The following TRIO variants were observed in gnomAD, a reference collection of about 807,000 sequenced individuals.
TRIO encodes trio Rho guanine nucleotide exchange factor, also known as triple functional domain protein.
TRIO carries 58 observed loss-of-function variants against 351.9 expected under a neutral mutation model. The observed-to-expected ratio is 0.16, with a 90% CI of 0.13 to 0.21. TRIO has a LOEUF of 0.21. Ranked by LOEUF, TRIO falls within the 10% of genes least tolerant of loss-of-function variation. The pLI is 1.00. For missense variants in TRIO, 3,201 were observed against 4,027.8 expected, an observed-to-expected ratio of 0.79 and a Z score of 5.56; for synonymous variants, 1,758 against 1,595.7, an observed-to-expected ratio of 1.10 and a Z score of -2.42.
At position 14,482,439 on chromosome 5, in the gene TRIO, G is replaced by GA. The variant is rs375308522; in HGVS notation, c.6466-133dup. The stretch of plus-strand genomic sequence containing the variant: ...CTGTTTAGAGCCAAGAACAGTAAAA[G>GA]AAAAAAAAAATTAAACTCCATAAAT... On this transcript the variant is annotated intron_variant, in intron 45 of 56. Coordinates refer to ENST00000344204, the MANE Select transcript of TRIO (RefSeq NM_007118.4). 0.025 allele frequency: 15,093 copies of GA among 615,856 alleles called. 85 individuals carry two copies. The highest frequency in any genetic ancestry group is 0.028 in the Non-Finnish European group (11,902 of 418,310). The allele number at this position is 615,856 out of a possible 1,614,324, so 38.1% of individuals were successfully genotyped here. A position where few individuals can be genotyped will look rare whatever the true frequency, so the allele number is the denominator to read the frequency against.
chr5:14,481,124 A>G, intron 43 of TRIO, 110 bp from the exon 44 acceptor site: 1 of 1,211,134 alleles, frequency 8.3e-7, no homozygotes, highest in South Asian at 1.5e-5. Context: ...CCAGGAGTTC[A>G]AGACCAGCTT....
Position 14,487,596 on chromosome 5 carries a change from GC to G in TRIO, c.6972del (p.Ser2325AlafsTer88). ...AGTGGCGGCAGCGGCCACAGTGGCGGCCCCAGCAGCTGCGGCGGCGCCCCCA... is the reference window on the plus strand; with the variant it reads ...AGTGGCGGCAGCGGCCACAGTGGCGGCCCAGCAGCTGCGGCGGCGCCCCCA... Reference protein sequence around the residue: ...APSGGSGHSGGPSSCGGAPST... With the variant: ...APSGGSGHSGXPSSCGGAPST... On this transcript the variant is annotated frameshift_variant, in exon 48 of 57. Transcript: ENST00000344204. LOFTEE classifies it high-confidence loss of function. The G allele has an allele frequency of 8.6e-7, 1 of 1,160,592 alleles. No homozygotes were observed. Among genetic ancestry groups the G allele is most frequent in the Non-Finnish European group, 1.1e-6 (1 of 934,278 alleles). The allele number at this position is 1,160,592 out of a possible 1,614,324, so 71.9% of individuals were successfully genotyped here. A position where few individuals can be genotyped will look rare whatever the true frequency, so the allele number is the denominator to read the frequency against.
intron 8 of TRIO, among the ~76,000 whole-genome samples, chr5:14,310,623 C>T (rs1686262006): frequency 6.6e-6 from 1 of 152,198 alleles, no homozygotes; most frequent in Non-Finnish European, 1.5e-5. Flanking sequence ...GGATAGGAAA[C>T]TTCTTAAAAC....
intron 9 of TRIO, 92 bp downstream of exon 9, chr5:14,316,835 G>A: frequency 7.3e-7 from 1 of 1,371,320 alleles, no homozygotes; most frequent in Non-Finnish European, 1.0e-6. Flanking sequence ...CTGTGCTTAA[G>A]GAGTGATGAC....
At chr5:14,221,739 G>A (rs1482599750) in intron 1 of TRIO, among the ~76,000 whole-genome samples, 3 of 152,248 alleles carry the variant, frequency 2.0e-5, no homozygotes, top group Non-Finnish European at 4.4e-5. Flanking sequence ...TGCTTCTCAT[G>A]AATGAGCAAA....
At chr5:14,194,744 A>G (rs1790666787) in intron 1 of TRIO, among the ~76,000 whole-genome samples, 1 of 152,256 alleles carries the variant, frequency 6.6e-6, no homozygotes, top group South Asian at 2.1e-4. Flanking sequence ...ATTTATTTTT[A>G]CAGAAAGGTA....
intron 1 of TRIO, among the ~76,000 whole-genome samples, chr5:14,246,169 G>A (rs1317095403): frequency 6.6e-6 from 1 of 151,910 alleles, no homozygotes; most frequent in Non-Finnish European, 1.5e-5. Context: ...TAAATCAGAA[G>A]GTGAAAGTTC....
chr5:14,244,976 G>C (rs1204687025), intron 1 of TRIO, among the ~76,000 whole-genome samples: 2 of 152,192 alleles, frequency 1.3e-5, no homozygotes, highest in Non-Finnish European at 2.9e-5. Flanking sequence ...GGGGGATGCA[G>C]CTCCGAGTTA....
chr5:14,185,514 G>A (rs1050002916), intron 1 of TRIO, among the ~76,000 whole-genome samples: 2 of 152,192 alleles, frequency 1.3e-5, no homozygotes, highest in African/African-American at 4.8e-5. Context: ...GGAGCTGGCT[G>A]GATCCCTTGC....
chr5:14,364,011 A>G lies in TRIO; in HGVS notation c.2587+84A>G. The G allele has an allele frequency of 2.9e-6, 4 of 1,377,418 alleles. No homozygotes were observed. The South Asian group carries it at 5.7e-5, about 20-fold the overall frequency. 85.3% of individuals were successfully genotyped at this position (1,377,418 alleles called of 1,614,324 possible). On this transcript the variant is annotated intron_variant, in intron 14 of 56. Coordinates refer to ENST00000344204, the MANE Select transcript of TRIO (RefSeq NM_007118.4). ...CGGCTTATTTCAGTGGGATGACTGC[A>G]AATTTTGTTAGTTCCTATGATAAAG...
At chr5:14,316,819 G>A in intron 9 of TRIO, 76 bp downstream of exon 9, 1 of 1,438,110 alleles carries the variant, frequency 7.0e-7, no homozygotes, top group Non-Finnish European at 9.5e-7. Context: ...ATCATATTGG[G>A]AAGATCTGTG....
At chr5:14,302,179 A>G (rs1208702720) in intron 7 of TRIO, among the ~76,000 whole-genome samples, 1 of 152,226 alleles carries the variant, frequency 6.6e-6, no homozygotes, top group Non-Finnish European at 1.5e-5. Context: ...ATATACTTTA[A>G]TGATTTTGAT....
chr5:14,488,827 T>C (rs759417114), intron 48 of TRIO: 10 of 671,946 alleles, frequency 1.5e-5, no homozygotes, highest in Non-Finnish European at 2.7e-5. Context: ...TACGTCACCG[T>C]GTTGCTCTGG....
intron 33 of TRIO, among the ~76,000 whole-genome samples, chr5:14,409,912 GGGA>G (rs1404491939): frequency 6.6e-6 from 1 of 151,802 alleles, no homozygotes; most frequent in Non-Finnish European, 1.5e-5. Context: ...CCCCGCTCCT[GGGA>G]GGCTCTTTCT....
At chr5:14,446,433 A>G (rs1000910619) in intron 34 of TRIO, among the ~76,000 whole-genome samples, 2 of 152,202 alleles carry the variant, frequency 1.3e-5, no homozygotes, top group Non-Finnish European at 2.9e-5. Context: ...GACAGCTCTC[A>G]ATAAATGACA....
chr5:14,406,189 C>A (rs146761839), intron 32 of TRIO, 199 bp downstream of exon 32: 3 of 803,868 alleles, frequency 3.7e-6, no homozygotes, highest in African/African-American at 3.5e-5. Context: ...TTAGAGTAAA[C>A]GAAGGGCTGT....
intron 11 of TRIO, among the ~76,000 whole-genome samples, chr5:14,357,256 G>A (rs1012004523): frequency 6.6e-6 from 1 of 152,230 alleles, no homozygotes; most frequent in Admixed American, 6.5e-5. Flanking sequence ...CTCACCAGCT[G>A]AGCCGGCTGT....
intron 1 of TRIO, 22 bp downstream of exon 1, chr5:14,143,904 C>T (rs1265006333): frequency 1.9e-6 from 2 of 1,068,824 alleles, no homozygotes; most frequent in Non-Finnish European, 1.1e-6. Flanking sequence ...TGCGGCCGGC[C>T]CGCCCAGCGG....
At chr5:14,218,712 C>T (rs560388327) in intron 1 of TRIO, among the ~76,000 whole-genome samples, 145 of 152,356 alleles carry the variant, frequency 9.5e-4, no homozygotes, top group Non-Finnish European at 1.5e-3. Flanking sequence ...AGGTGAGGGT[C>T]GCACAGCCTG....
Sources: gnomAD v4.1 joint callset for allele counts (sites outside exome capture counted in the v4.1 genomes callset) on GRCh38, gnomAD v4.1.1 for gene constraint, MANE v1.5 for transcripts, NCBI Gene and HGNC (gene_info 2026-07-23, HGNC 2026-07-21) for gene names.